MAGI1: variants seen among roughly 807,000 people sequenced by gnomAD.
The protein encoded by MAGI1 is membrane associated guanylate kinase, WW and PDZ domain containing 1, also known as membrane-associated guanylate kinase, WW and PDZ domain-containing protein 1.
In MAGI1, 58 loss-of-function variants were observed where a neutral mutation model predicts 139.9. The observed-to-expected ratio is 0.41, with a 90% CI of 0.34 to 0.52. MAGI1 has a LOEUF of 0.52. Among genes scored for constraint, MAGI1 ranks in the 20% least tolerant of loss-of-function variants. The probability of loss-of-function intolerance (pLI) is 0.12; values close to 1 mark genes in which losing one functional copy is unlikely to be tolerated. For synonymous variants in MAGI1, 812 were observed against 737.9 expected, an observed-to-expected ratio of 1.10 and a Z score of -1.63; for missense variants, 1,874 against 1,901.6, an observed-to-expected ratio of 0.99 and a Z score of 0.27.
intron 2 of MAGI1, among the ~76,000 whole-genome samples, chr3:65,539,942 T>G (rs1156953810): frequency 1.3e-5 from 2 of 152,158 alleles, no homozygotes; most frequent in Non-Finnish European, 2.9e-5. Flanking sequence ...AGTTTGGATT[T>G]CAGGATCAGC....
At chr3:65,421,833 G>A (rs1446123674) in intron 12 of MAGI1, among the ~76,000 whole-genome samples, 2 of 152,096 alleles carry the variant, frequency 1.3e-5, no homozygotes, top group Non-Finnish European at 1.5e-5. Flanking sequence ...TAAATCCTCT[G>A]AGTGTGAATT....
At chr3:65,464,359 C>CAT (rs1167978016) in intron 5 of MAGI1, among the ~76,000 whole-genome samples, 2 of 152,044 alleles carry the variant, frequency 1.3e-5, no homozygotes, top group Admixed American at 6.6e-5. Flanking sequence ...CCTCTTTTCT[C>CAT]ATATATATGT....
At chr3:65,631,674 C>T (rs746800810) in intron 1 of MAGI1, among the ~76,000 whole-genome samples, 4 of 152,094 alleles carry the variant, frequency 2.6e-5, no homozygotes, top group Admixed American at 6.6e-5. Context: ...TAAATAGCTC[C>T]AAAGTAGGTA....
intron 1 of MAGI1, among the ~76,000 whole-genome samples, chr3:66,031,872 A>T (rs1198207514): frequency 6.6e-6 from 1 of 152,138 alleles, no homozygotes; most frequent in Non-Finnish European, 1.5e-5. Context: ...CACATCAACA[A>T]AAAAAATCCT....
intron 6 of MAGI1, among the ~76,000 whole-genome samples, chr3:65,450,366 A>T (rs1948956108): frequency 6.6e-6 from 1 of 152,196 alleles, no homozygotes; most frequent in Non-Finnish European, 1.5e-5. Context: ...AGAATGGAAG[A>T]TGCGGTGAAA....
At chr3:65,369,706 G>A (rs1050454296) in intron 18 of MAGI1, among the ~76,000 whole-genome samples, 5 of 151,842 alleles carry the variant, frequency 3.3e-5, no homozygotes, top group South Asian at 2.1e-4. Flanking sequence ...ACAGCGTTTC[G>A]CCATGTTGCC....
intron 1 of MAGI1, among the ~76,000 whole-genome samples, chr3:65,721,576 C>T (rs1410896771): frequency 1.3e-5 from 2 of 152,196 alleles, no homozygotes; most frequent in African/African-American, 4.8e-5. Flanking sequence ...AAAACTTAAG[C>T]ACTGACTCCT....
chr3:65,570,914 A>C lies in MAGI1; in HGVS notation c.430+51058T>G, dbSNP rs149054072. 1.2e-3 allele frequency among the ~76,000 whole-genome samples: 178 copies of C among 152,366 alleles called. 1 individual carries two copies. The highest frequency in any genetic ancestry group is 4.0e-3 in the African/African-American group (166 of 41,586). On this transcript the variant is annotated intron_variant, in intron 2 of 22. Coordinates refer to ENST00000402939, the MANE Select transcript of MAGI1 (RefSeq NM_001033057.2). ...TCAAAAGAACTGCTAGGACAAAACA[A>C]GCAAACCAAACTCAATTACCGAATA... is the stretch of plus-strand genomic sequence containing the variant.
At chr3:65,549,966 T>C (rs1029144590) in intron 2 of MAGI1, among the ~76,000 whole-genome samples, 2 of 152,190 alleles carry the variant, frequency 1.3e-5, no homozygotes, top group Non-Finnish European at 2.9e-5. Context: ...GTGATTACTA[T>C]GAGCCAAAAA....
At chr3:65,927,992 C>G (rs978665897) in intron 1 of MAGI1, among the ~76,000 whole-genome samples, 1 of 152,194 alleles carries the variant, frequency 6.6e-6, no homozygotes, top group Non-Finnish European at 1.5e-5. Flanking sequence ...AAAATTGCAA[C>G]CCAAGTCCCT....
chr3:65,720,773 C>T (rs138874016), intron 1 of MAGI1, among the ~76,000 whole-genome samples: 215 of 151,920 alleles, frequency 1.4e-3, no homozygotes, highest in African/African-American at 5.0e-3. Context: ...TTTTAGAGAC[C>T]GGGTCTCCCT....
At chr3:65,811,225 T>C (rs924909077) in intron 1 of MAGI1, among the ~76,000 whole-genome samples, 6 of 152,316 alleles carry the variant, frequency 3.9e-5, no homozygotes, top group East Asian at 1.9e-4. Flanking sequence ...AGAGCACCTA[T>C]TGTGATAGCA....
chr3:66,009,535 T>C (rs2067213335), intron 1 of MAGI1, among the ~76,000 whole-genome samples: 2 of 151,954 alleles, frequency 1.3e-5, no homozygotes, highest in Admixed American at 1.3e-4. Flanking sequence ...AAGGAATATC[T>C]GAATTCAAGA....
intron 4 of MAGI1, among the ~76,000 whole-genome samples, chr3:65,474,954 C>A (rs927134275): frequency 6.6e-6 from 1 of 152,150 alleles, no homozygotes; most frequent in Non-Finnish European, 1.5e-5. Flanking sequence ...AAGAACTCAG[C>A]AAAGTGCTTG....
chr3:65,548,509 C>CTTTTTTTTTTTTTTTTTTTTT (rs1306099660), intron 2 of MAGI1, among the ~76,000 whole-genome samples: 2 of 117,368 alleles, frequency 1.7e-5, no homozygotes, highest in Non-Finnish European at 1.7e-5. Flanking sequence ...GCAAACAACA[C>CTTTTTTTTTTTTTTTTTTTTT]TCTTTTTTTT....
chr3:65,401,822 G>A, intron 12 of MAGI1: 1 of 1,293,000 alleles, frequency 7.7e-7, no homozygotes, highest in Non-Finnish European at 9.9e-7. Context: ...TTACAATTAA[G>A]TCCAGGTTAT....
intron 2 of MAGI1, among the ~76,000 whole-genome samples, chr3:65,506,048 G>A (rs1435206309): frequency 1.3e-5 from 2 of 152,124 alleles, no homozygotes; most frequent in Non-Finnish European, 1.5e-5. Flanking sequence ...ACCATGTTAT[G>A]TCGTTTTCCT....
intron 1 of MAGI1, among the ~76,000 whole-genome samples, chr3:66,014,590 T>C (rs999220559): frequency 6.6e-6 from 1 of 152,208 alleles, no homozygotes; most frequent in Non-Finnish European, 1.5e-5. Context: ...CCCACATATA[T>C]CTTTTATGAG....
At chr3:65,548,107 T>A (rs188665368) in intron 2 of MAGI1, among the ~76,000 whole-genome samples, 19 of 152,248 alleles carry the variant, frequency 1.2e-4, no homozygotes, top group Admixed American at 1.2e-3. Flanking sequence ...TGGAACCCAT[T>A]CAGTCTGATG....
Sources: gnomAD v4.1 joint callset for allele counts (sites outside exome capture counted in the v4.1 genomes callset) on GRCh38, gnomAD v4.1.1 for gene constraint, MANE v1.5 for transcripts, NCBI Gene and HGNC (gene_info 2026-07-23, HGNC 2026-07-21) for gene names.